The following LMBR1 variants were observed in gnomAD, a reference collection of about 807,000 sequenced individuals.
LMBR1 encodes the protein limb region 1 protein homolog.
In LMBR1, 52 loss-of-function variants were observed where a neutral mutation model predicts 73.9. That is an observed-to-expected ratio of 0.70 (90% CI 0.56 to 0.89). LMBR1 has a LOEUF of 0.89. Ranked by LOEUF, LMBR1 falls within the 40% of genes least tolerant of loss-of-function variation. The pLI is 0.00. For synonymous variants in LMBR1, 215 were observed against 209.4 expected (o/e 1.03, Z -0.23); for missense variants, 539 against 579.8 (o/e 0.93, Z 0.72).
chr7:156,784,448 C>G (rs1467491259), intron 5 of LMBR1, among the ~76,000 whole-genome samples: 9 of 152,110 alleles, frequency 5.9e-5, no homozygotes, highest in African/African-American at 2.2e-4. Flanking sequence ...CATGAACTCT[C>G]ACATCACCAG....
Position 156,796,432 on chromosome 7 carries a change from G to A in LMBR1, c.380C>T (p.Ala127Val). ...NLCLFVLMPF[A>V]FFFLESEGFA... ...GCCTTCTGATTCCAGAAAGAAAAAGGCAAAGGGCATCAATACAAATAAACA... is the reference window on the plus strand; with the variant it reads ...GCCTTCTGATTCCAGAAAGAAAAAGACAAAGGGCATCAATACAAATAAACA... The change falls in exon 5 of 17, where the codon GCC becomes GTC. Residue 127 changes from alanine (A) to valine (V), a missense_variant. By Grantham distance (64) the Ala-to-Val change is moderately conservative. Transcript: ENST00000353442. 1 of 1,608,444 alleles carries A rather than the reference G, an allele frequency of 6.2e-7. No homozygotes were observed. Among genetic ancestry groups the A allele is most frequent in the Non-Finnish European group, 8.5e-7 (1 of 1,177,804 alleles).
Position 156,680,131 on chromosome 7 carries a change from A to G in LMBR1, c.*3947T>C, listed in dbSNP as rs924244642. ...GTGTTTGCAGCAATAATTTTTACCT[A>G]AACAATATTCAAAAACCAAAAAAAA... is the stretch of plus-strand genomic sequence containing the variant. On this transcript the variant is annotated 3_prime_UTR_variant, in exon 17 of 17. Transcript: ENST00000353442. 2 of 150,462 alleles carry G rather than the reference A, an allele frequency of 1.3e-5. No individual in the cohort carries two copies. The highest frequency in any genetic ancestry group is 5.0e-5 in the African/African-American group (2 of 40,328). The allele number at this position is 150,462 out of a possible 1,614,324, so 9.3% of individuals were successfully genotyped here.
chr7:156,783,071 T>C (rs1409966930), intron 5 of LMBR1, among the ~76,000 whole-genome samples: 1 of 152,208 alleles, frequency 6.6e-6, no homozygotes, highest in Non-Finnish European at 1.5e-5. Context: ...ACTACCTGCT[T>C]GTCACATTCT....
downstream of LMBR1, among the ~76,000 whole-genome samples, chr7:156,674,731 T>G (rs1274809423): frequency 6.6e-6 from 1 of 152,178 alleles, no homozygotes; most frequent in Admixed American, 6.5e-5. Flanking sequence ...TTAATAAACG[T>G]TGAAGTGATA....
chr7:156,832,611 T>C (rs1836883919), intron 3 of LMBR1, among the ~76,000 whole-genome samples: 1 of 152,220 alleles, frequency 6.6e-6, no homozygotes, highest in South Asian at 2.1e-4. Context: ...CATGTATCAG[T>C]ACTTCATTTC....
chr7:156,891,243 C>T (rs1802923609), intron 1 of LMBR1, among the ~76,000 whole-genome samples: 2 of 128,340 alleles, frequency 1.6e-5, no homozygotes, highest in African/African-American at 6.0e-5. Context: ...TACACACACA[C>T]ACACACACAC....
rs995949155 is a variant in LMBR1, at chr7:156,828,635, A to G, written c.180-1891T>C. 5.9e-5 allele frequency among the ~76,000 whole-genome samples: 9 copies of G among 152,332 alleles called. No homozygotes were observed. In the East Asian group the frequency reaches 1.7e-3, roughly 29 times the overall value. On this transcript the variant is annotated intron_variant, in intron 3 of 16. Transcript: ENST00000353442. ...AAGCCATATCTACAGATCATATTGT[A>G]AAGTGTCTTTGCAAGGTGATGATAA...
chr7:156,711,517 G>A (rs1585313663), intron 15 of LMBR1, among the ~76,000 whole-genome samples: 1 of 151,636 alleles, frequency 6.6e-6, no homozygotes, highest in Admixed American at 6.6e-5. Flanking sequence ...AAATGTATAC[G>A]GAACCAAAAA....
intron 15 of LMBR1, among the ~76,000 whole-genome samples, chr7:156,711,289 C>T (rs754902519): frequency 6.6e-5 from 10 of 152,028 alleles, no homozygotes; most frequent in African/African-American, 1.4e-4. Context: ...CCAGCCTGGG[C>T]GACAGAGCGA....
chr7:156,761,083 A>T (rs1585615416), intron 8 of LMBR1, among the ~76,000 whole-genome samples: 1 of 152,182 alleles, frequency 6.6e-6, no homozygotes, highest in South Asian at 2.1e-4. Context: ...ACAGTCCTGG[A>T]GACAGAATGC....
intron 5 of LMBR1, among the ~76,000 whole-genome samples, chr7:156,771,258 A>G (rs1825122192): frequency 6.6e-6 from 1 of 151,764 alleles, no homozygotes; most frequent in Non-Finnish European, 1.5e-5. Context: ...TAGAGACACG[A>G]AAAACCATAT....
chr7:156,832,957 A>T (rs575802809), intron 3 of LMBR1, among the ~76,000 whole-genome samples: 1 of 152,338 alleles, frequency 6.6e-6, no homozygotes, highest in Non-Finnish European at 1.5e-5. Context: ...TTATTGGGAT[A>T]ACTAGTAAGT....
chr7:156,774,311 C>T (rs1016975388), intron 5 of LMBR1, among the ~76,000 whole-genome samples: 2 of 152,204 alleles, frequency 1.3e-5, no homozygotes, highest in Non-Finnish European at 2.9e-5. Context: ...GTGGCGACTT[C>T]TCAAAGAACT....
chr7:156,719,056 A>G (rs1202382085), intron 15 of LMBR1, among the ~76,000 whole-genome samples: 1 of 151,876 alleles, frequency 6.6e-6, no homozygotes, highest in Non-Finnish European at 1.5e-5. Context: ...ATATGTATAC[A>G]TGAGCCATGC....
At chr7:156,827,820 A>G (rs929087874) in intron 3 of LMBR1, among the ~76,000 whole-genome samples, 12 of 152,240 alleles carry the variant, frequency 7.9e-5, no homozygotes, top group African/African-American at 2.4e-4. Flanking sequence ...CTACTTCAAA[A>G]GCCAAAAATA....
rs185007275 is a variant in LMBR1 at position 156,724,035 on chromosome 7, T to C, written c.1225+77A>G. ...GTATTTCAAAGGTAATCTTTATGAG[T>C]AAATGTTAAATAAGTTCAGTAAAGA... On this transcript the variant is annotated intron_variant, in intron 15 of 16. Coordinates refer to ENST00000353442, the MANE Select transcript of LMBR1 (RefSeq NM_022458.4). The C allele has an allele frequency of 3.5e-5, 35 of 1,002,862 alleles. No individual in the cohort carries two copies. The Admixed American group carries it at 7.2e-4, about 20-fold the overall frequency. 62.1% of individuals were successfully genotyped at this position (1,002,862 alleles called of 1,614,324 possible). A position where few individuals can be genotyped will look rare whatever the true frequency, so the allele number is the denominator to read the frequency against.
chr7:156,875,140 G>C lies in LMBR1; in HGVS notation c.66+17788C>G, dbSNP rs147255476. ...CTTCAGGAAATAAAGGACACACTTA[G>C]AGAAATGCAAAATTTTCTGGAAAGT... On this transcript the variant is annotated intron_variant, in intron 1 of 16. Transcript: ENST00000353442. Among the ~76,000 whole-genome samples, 479 of 152,236 alleles carry C rather than the reference G, an allele frequency of 3.1e-3. 7 individuals are homozygous for C. The highest frequency in any genetic ancestry group is 0.011 in the African/African-American group (448 of 41,548).
chr7:156,798,121 C>T (rs1830353816), intron 4 of LMBR1, among the ~76,000 whole-genome samples: 1 of 152,186 alleles, frequency 6.6e-6, no homozygotes, highest in Admixed American at 6.5e-5. Flanking sequence ...GGGTGCACGT[C>T]CTGCTGCACT....
At position 156,739,672 on chromosome 7, in the gene LMBR1, G is replaced by C. The variant is rs574739778; in HGVS notation, c.758-5415C>G. On this transcript the variant is annotated intron_variant, in intron 9 of 16. Transcript: ENST00000353442. ...CCTGGTAATCCAGAGAATTCTTCTG[G>C]ATCTTATCTAAACCCACTGAGGCAT... 2.6e-5 allele frequency among the ~76,000 whole-genome samples: 4 copies of C among 152,250 alleles called. No homozygotes were observed. The South Asian group carries it at 8.3e-4, about 32-fold the overall frequency.
Sources: allele counts gnomAD v4.1 joint callset (sites outside exome capture counted in the v4.1 genomes callset), GRCh38; gene constraint gnomAD v4.1.1; transcripts MANE v1.5; gene names NCBI Gene and HGNC (gene_info 2026-07-23, HGNC 2026-07-21).